The following PPP6R1 variants were observed in gnomAD, a reference collection of about 807,000 sequenced individuals.
The protein encoded by PPP6R1 is protein phosphatase 6 regulatory subunit 1.
In PPP6R1, 39 loss-of-function variants were observed where a neutral mutation model predicts 104.6. That is an observed-to-expected ratio of 0.37 (90% CI 0.29 to 0.49). The LOEUF (loss-of-function observed/expected upper bound fraction) is 0.49, where lower values mean the gene tolerates loss of function less well. Ranked by LOEUF, PPP6R1 falls within the 20% of genes least tolerant of loss-of-function variation. The probability of loss-of-function intolerance (pLI) is 0.98; values close to 1 mark genes in which losing one functional copy is unlikely to be tolerated. For missense variants in PPP6R1, 1,181 were observed against 1,155.8 expected (o/e 1.02, Z -0.32); for synonymous variants, 549 against 479.0 (o/e 1.15, Z -1.91).
intron 17 of PPP6R1, among the ~76,000 whole-genome samples, chr19:55,233,758 A>T (rs1022958474): frequency 3.3e-5 from 5 of 152,238 alleles, no homozygotes; most frequent in Admixed American, 3.3e-4. Flanking sequence ...AAACCTACGA[A>T]ACATTGTTGA....
At position 55,244,991 on chromosome 19, in the gene PPP6R1, C is replaced by T. The variant is rs924669927; in HGVS notation, c.618+129G>A. ...GGGCTCAAGTAATCCTCCCACCTCG[C>T]CCTCCCAAAGTGCTGGAATTACAGG... On this transcript the variant is annotated intron_variant, in intron 5 of 23. Transcript: ENST00000412770. 15 of 1,373,760 alleles carry T rather than the reference C, an allele frequency of 1.1e-5. No homozygotes were observed. In the East Asian group the frequency reaches 3.0e-4, roughly 28 times the overall value. The allele number at this position is 1,373,760 out of a possible 1,614,324, so 85.1% of individuals were successfully genotyped here.
At chr19:55,248,549 C>G (rs1338275573) in intron 1 of PPP6R1, among the ~76,000 whole-genome samples, 3 of 152,268 alleles carry the variant, frequency 2.0e-5, no homozygotes, top group Admixed American at 2.0e-4. Flanking sequence ...GCCCTCACCA[C>G]CATCACTCCC....
chr19:55,242,194 G>A lies in PPP6R1; in HGVS notation c.817C>T (p.Leu273=), dbSNP rs1293717179. Reference sequence around the variant, plus strand: ...GGCCTCCTGGGCTCCAGCAGGGTCAGCAGCACCTGGATCCCACTGACGATG... The same window carrying A: ...GGCCTCCTGGGCTCCAGCAGGGTCAACAGCACCTGGATCCCACTGACGATG... ...SVIVSGIQVL[L]TLLEPRRPRS... is the part of the protein sequence containing the mutation. The change falls in exon 7 of 24, where the codon CTG becomes TTG. Residue 273 remains leucine (L), a synonymous_variant. Transcript: ENST00000412770. 1 of 1,613,580 alleles carries A rather than the reference G, an allele frequency of 6.2e-7. No homozygotes were observed. The highest frequency in any genetic ancestry group is 8.5e-7 in the Non-Finnish European group (1 of 1,179,874).
chr19:55,233,571 G>C (rs1207435804), intron 17 of PPP6R1, among the ~76,000 whole-genome samples: 1 of 152,140 alleles, frequency 6.6e-6, no homozygotes, highest in African/African-American at 2.4e-5. Context: ...AAAACTATCA[G>C]AACTCATACA....
In PPP6R1 at chr19:55,245,064, G is replaced by A; in HGVS notation, c.618+56C>T. On this transcript the variant is annotated intron_variant, in intron 5 of 23. Coordinates refer to ENST00000412770, the MANE Select transcript of PPP6R1 (RefSeq NM_014931.4). This position sits in a 1 kb window ranked among gnomAD's most constrained non-coding sequence, Gnocchi z 6.4. ...CAATTCCTCTTTTAAAAGTGGGGAA[G>A]TGGGCATGGGGAAGGAACTCTAAGG... The A allele has an allele frequency of 1.3e-6, 2 of 1,592,230 alleles. No homozygotes were observed. Among genetic ancestry groups the A allele is most frequent in the South Asian group, 2.3e-5 (2 of 88,172 alleles).
chr19:55,246,303 T>C (rs562528029), intron 2 of PPP6R1, among the ~76,000 whole-genome samples: 2 of 151,912 alleles, frequency 1.3e-5, no homozygotes, highest in Non-Finnish European at 2.9e-5. Context: ...TGCTGGCTTA[T>C]AGTCCCAGCT....
intron 1 of PPP6R1, among the ~76,000 whole-genome samples, chr19:55,257,437 G>A (rs1216420687): frequency 6.6e-6 from 1 of 152,178 alleles, no homozygotes; most frequent in Non-Finnish European, 1.5e-5. Flanking sequence ...GAGCAAGAAA[G>A]ACCCCAACCA....
At chr19:55,256,267 T>C (rs1167074471) in intron 1 of PPP6R1, among the ~76,000 whole-genome samples, 1 of 152,180 alleles carries the variant, frequency 6.6e-6, no homozygotes, top group Non-Finnish European at 1.5e-5. Context: ...ACCCCAGCAG[T>C]GGAGCAAAGT....
At chr19:55,235,285 C>T (rs909501976) in intron 17 of PPP6R1, among the ~76,000 whole-genome samples, 1 of 151,884 alleles carries the variant, frequency 6.6e-6, no homozygotes, top group Non-Finnish European at 1.5e-5. Context: ...CATCATCTCT[C>T]ATTTTACTGG....
chr19:55,240,906 T>C, intron 10 of PPP6R1, 39 bp downstream of exon 10: 1 of 1,594,350 alleles, frequency 6.3e-7, no homozygotes, highest in Non-Finnish European at 8.5e-7. Context: ...CCACAGGGGA[T>C]GGGCCCAGAA....
At chr19:55,228,669 G>T (rs2087309270), downstream of PPP6R1, 2 of 1,607,066 alleles carry the variant, frequency 1.2e-6, no homozygotes, top group Non-Finnish European at 1.7e-6. Context: ...CCAGCCCCAG[G>T]CACAGCTCAG....
chr19:55,231,359 A>G, intron 21 of PPP6R1, 51 bp downstream of exon 21: 4 of 1,514,594 alleles, frequency 2.6e-6, no homozygotes, highest in Middle Eastern at 4.5e-4. Context: ...ACCTCAGCGA[A>G]GAGGAGAAAA....
chr19:55,250,499 G>A (rs1338369537), intron 1 of PPP6R1, among the ~76,000 whole-genome samples: 4 of 152,098 alleles, frequency 2.6e-5, no homozygotes, highest in Non-Finnish European at 5.9e-5. Context: ...CAGTGACCCC[G>A]ACTCTCACCT....
chr19:55,247,780 C>T (rs1412697482), intron 1 of PPP6R1, among the ~76,000 whole-genome samples: 1 of 152,198 alleles, frequency 6.6e-6, no homozygotes, highest in African/African-American at 2.4e-5. Context: ...AAACACACCC[C>T]AACCATCCTC....
At chr19:55,237,669 C>T (rs1256957725) in intron 15 of PPP6R1, among the ~76,000 whole-genome samples, 1 of 152,214 alleles carries the variant, frequency 6.6e-6, no homozygotes, top group African/African-American at 2.4e-5. Flanking sequence ...ACATTACTCA[C>T]GCACTTCATT....
chr19:55,238,884 A>C (rs2087423065), intron 15 of PPP6R1: 1 of 162,392 alleles, frequency 6.2e-6, no homozygotes, highest in African/African-American at 2.4e-5. Context: ...GACTGATATT[A>C]AGATGTGGTT....
chr19:55,249,119 A>G (rs1484966906), intron 1 of PPP6R1, among the ~76,000 whole-genome samples: 2 of 152,220 alleles, frequency 1.3e-5, no homozygotes, highest in East Asian at 3.9e-4. Flanking sequence ...TGGCGGCAGC[A>G]GGAGGACTAG....
Position 55,240,051 on chromosome 19 carries a change from C to T in PPP6R1, c.1425G>A (p.Val475=), listed in dbSNP as rs73935336. The T allele has an allele frequency of 6.2e-6, 10 of 1,602,748 alleles. No individual in the cohort carries two copies. In the African/African-American group the frequency reaches 1.3e-4, roughly 21 times the overall value. ...CATTGGGCCCCTTCTCCGTGTTCTGCACCAGGGCACCGGCCACTCTTGTCA... is the reference window on the plus strand; with the variant it reads ...CATTGGGCCCCTTCTCCGTGTTCTGTACCAGGGCACCGGCCACTCTTGTCA... ...GHLTRVAGAL[V]QNTEKGPNAE... The change falls in exon 12 of 24, where the codon GTG becomes GTA. Residue 475 remains valine (V), a synonymous_variant. Transcript: ENST00000412770.
chr19:55,236,600 G>T, intron 17 of PPP6R1, 43 bp downstream of exon 17: 1 of 1,476,676 alleles, frequency 6.8e-7, no homozygotes, highest in Non-Finnish European at 8.9e-7. Context: ...TGGCCCTGCC[G>T]TGTGGTGGAA....
Sources: allele counts gnomAD v4.1 joint callset (sites outside exome capture counted in the v4.1 genomes callset), GRCh38; gene constraint gnomAD v4.1.1; non-coding constraint Gnocchi (gnomAD v3.1); transcripts MANE v1.5; gene names NCBI Gene and HGNC (gene_info 2026-07-23, HGNC 2026-07-21).